The following LARP1 variants were observed in gnomAD, a reference collection of about 807,000 sequenced individuals.
The protein encoded by LARP1 is La ribonucleoprotein 1, translational regulator, also known as la-related protein 1.
LARP1 carries 36 observed loss-of-function variants against 122.7 expected under a neutral mutation model. The observed-to-expected ratio is 0.29, with a 90% CI of 0.22 to 0.39. The LOEUF (loss-of-function observed/expected upper bound fraction) is 0.39. Ranked by LOEUF, LARP1 falls within the 10% of genes least tolerant of loss-of-function variation. The probability of loss-of-function intolerance (pLI) is 1.00; values close to 1 mark genes in which losing one functional copy is unlikely to be tolerated. For synonymous variants in LARP1, 539 were observed against 528.7 expected (o/e 1.02, Z -0.27); for missense variants, 1,040 against 1,403.6 (o/e 0.74, Z 4.14).
intron 1 of LARP1, among the ~76,000 whole-genome samples, chr5:154,788,743 T>TA (rs748846366): frequency 0.015 from 2,113 of 142,930 alleles, 20 homozygotes; most frequent in Middle Eastern, 0.028. Flanking sequence ...ACAACTTCCT[T>TA]AAAAAAAAAA....
intron 1 of LARP1, among the ~76,000 whole-genome samples, chr5:154,695,165 A>G (rs1754411043): frequency 6.6e-6 from 1 of 150,678 alleles, no homozygotes. Flanking sequence ...AATACAAAAA[A>G]TTAGCCAGGC....
chr5:154,728,401 T>C (rs1176393311), intron 1 of LARP1, among the ~76,000 whole-genome samples: 1 of 152,220 alleles, frequency 6.6e-6, no homozygotes, highest in Non-Finnish European at 1.5e-5. Flanking sequence ...CGGCTTATCC[T>C]TTGGCTTACT....
At chr5:154,775,310 A>C (rs1755778894) in intron 1 of LARP1, among the ~76,000 whole-genome samples, 1 of 152,084 alleles carries the variant, frequency 6.6e-6, no homozygotes, top group East Asian at 1.9e-4. Context: ...TAAAAAACGT[A>C]AGTGAATAAA....
intron 1 of LARP1, among the ~76,000 whole-genome samples, chr5:154,683,949 T>C (rs1018180436): frequency 6.6e-6 from 1 of 152,166 alleles, no homozygotes; most frequent in African/African-American, 2.4e-5. Flanking sequence ...TGGAAATAGA[T>C]GACAAAACTA....
rs147447179 is a variant in LARP1, at chr5:154,742,547, C to T, written c.205+29417C>T. Among the ~76,000 whole-genome samples the T allele has an allele frequency of 2.5e-3, 382 of 151,510 alleles. 1 individual carries two copies. The highest frequency in any genetic ancestry group is 9.1e-3 in the African/African-American group (375 of 41,332). ...GCACTGTTGTTGGAACAGAGGAAGA[C>T]CCTGTCTCAAAAAAAATGTATATAT... On this transcript the variant is annotated intron_variant, in intron 1 of 18. Coordinates refer to the LARP1 transcript ENST00000336314.
chr5:154,744,610 T>C (rs1471825999), intron 1 of LARP1, among the ~76,000 whole-genome samples: 1 of 144,232 alleles, frequency 6.9e-6, no homozygotes, highest in African/African-American at 2.6e-5. Flanking sequence ...GGGCATTGGA[T>C]ATGCAATTTT....
chr5:154,811,789 A>G, intron 18 of LARP1, 149 bp downstream of exon 18: 1 of 903,872 alleles, frequency 1.1e-6, no homozygotes, highest in Non-Finnish European at 1.7e-6. Context: ...TTTCACCTTT[A>G]AAATGGAGAG....
chr5:154,814,128 A>G lies in LARP1; in HGVS notation c.*32A>G, dbSNP rs1157752862. The G allele has an allele frequency of 6.2e-7, 1 of 1,608,834 alleles. No homozygotes were observed. Among genetic ancestry groups the G allele is most frequent in the East Asian group, 2.2e-5 (1 of 44,762 alleles). ...CCTTAGCCCTGGGGCTTGAGGGGGG[A>G]AAGGGGTAGGGTGGGTAAGAGTCCA... On this transcript the variant is annotated 3_prime_UTR_variant, in exon 19 of 19. Coordinates refer to ENST00000518297, the MANE Select transcript of LARP1 (RefSeq NM_033551.3).
intron 1 of LARP1, among the ~76,000 whole-genome samples, chr5:154,781,738 T>C (rs1018426541): frequency 3.3e-5 from 5 of 152,214 alleles, no homozygotes; most frequent in African/African-American, 1.2e-4. Context: ...TCTTAAAACA[T>C]TGAGATTTTC....
chr5:154,794,959 A>G (rs577383835), intron 7 of LARP1, among the ~76,000 whole-genome samples: 35 of 152,358 alleles, frequency 2.3e-4, no homozygotes, highest in African/African-American at 6.7e-4. Flanking sequence ...CGAGGGGCTT[A>G]GGGCAGAGGG....
At chr5:154,761,581 G>T (rs1441555152) in intron 1 of LARP1, among the ~76,000 whole-genome samples, 2 of 152,174 alleles carry the variant, frequency 1.3e-5, no homozygotes, top group Non-Finnish European at 2.9e-5. Context: ...AGTAATTAGG[G>T]TGTTGGGGCC....
At chr5:154,790,935 A>G (rs1233527441) in intron 3 of LARP1, among the ~76,000 whole-genome samples, 2 of 151,170 alleles carry the variant, frequency 1.3e-5, no homozygotes, top group Non-Finnish European at 2.9e-5. Context: ...CTCCTCCCCC[A>G]GCCTCCCGAG....
At chr5:154,695,058 G>A (rs1196647181) in intron 1 of LARP1, among the ~76,000 whole-genome samples, 3 of 151,986 alleles carry the variant, frequency 2.0e-5, no homozygotes, top group African/African-American at 7.2e-5. Flanking sequence ...GCTCACGCCT[G>A]TAATCCCGGC....
intron 1 of LARP1, among the ~76,000 whole-genome samples, chr5:154,694,153 TAA>T (rs1754363278): frequency 6.6e-6 from 1 of 152,178 alleles, no homozygotes; most frequent in Non-Finnish European, 1.5e-5. Flanking sequence ...GTTCTAGATT[TAA>T]AGAGACCTAA....
Position 154,788,743 on chromosome 5 carries a change from TA to T in LARP1, c.437-1568del, listed in dbSNP as rs748846366. The stretch of plus-strand genomic sequence containing the variant: ...ACTGGACCTACTAGAACAACTTCCT[TA>T]AAAAAAAAAAAAATTAAGACATTTG... On this transcript the variant is annotated intron_variant, in intron 1 of 18. Transcript: ENST00000518297. Among the ~76,000 whole-genome samples the T allele has an allele frequency of 4.9e-3, 698 of 142,816 alleles. 11 individuals carry two copies. The highest frequency in any genetic ancestry group is 0.026 in the Admixed American group (378 of 14,376). The allele number at this position is 142,816 out of a possible 152,430, so 93.7% of individuals were successfully genotyped here.
intron 1 of LARP1, among the ~76,000 whole-genome samples, chr5:154,728,792 G>C (rs1198267474): frequency 6.6e-6 from 1 of 152,168 alleles, no homozygotes; most frequent in Non-Finnish European, 1.5e-5. Flanking sequence ...CTATCTTTAG[G>C]GTTGACATAG....
chr5:154,769,557 C>T (rs1330061358), intron 1 of LARP1, among the ~76,000 whole-genome samples: 1 of 152,094 alleles, frequency 6.6e-6, no homozygotes, highest in African/African-American at 2.4e-5. Flanking sequence ...AGATAGGACT[C>T]ACCTAGCTTT....
chr5:154,740,509 C>T (rs553781241), intron 1 of LARP1, among the ~76,000 whole-genome samples: 1 of 152,234 alleles, frequency 6.6e-6, no homozygotes, highest in African/African-American at 2.4e-5. Flanking sequence ...GTAATTCTCC[C>T]AACAGCCTAA....
Position 154,728,899 on chromosome 5 carries a change from C to A in LARP1, c.205+15769C>A, listed in dbSNP as rs531366946. On this transcript the variant is annotated intron_variant, in intron 1 of 18. Coordinates refer to the LARP1 transcript ENST00000336314. ...AAGTCACTGTGGTGCCCTGCCAGGTCAGTGGATCTGGTAGAAATCATCCTA... is the reference window on the plus strand; with the variant it reads ...AAGTCACTGTGGTGCCCTGCCAGGTAAGTGGATCTGGTAGAAATCATCCTA... Among the ~76,000 whole-genome samples the A allele has an allele frequency of 1.3e-3, 192 of 152,300 alleles. 1 individual carries two copies. The highest frequency in any genetic ancestry group is 4.3e-3 in the African/African-American group (179 of 41,572).
Sources: allele counts gnomAD v4.1 joint callset (sites outside exome capture counted in the v4.1 genomes callset), GRCh38; gene constraint gnomAD v4.1.1; transcripts MANE v1.5; gene names NCBI Gene and HGNC (gene_info 2026-07-23, HGNC 2026-07-21).